CCDC141: variants seen among roughly 807,000 people sequenced by gnomAD.
The protein encoded by CCDC141 is coiled-coil domain containing 141.
In CCDC141, 168 loss-of-function variants were observed where a neutral mutation model predicts 181.0. The ratio of observed to expected loss-of-function variants is 0.93; its 90% confidence interval spans 0.82 to 1.05. The LOEUF (loss-of-function observed/expected upper bound fraction) is 1.05. CCDC141 is among the 50% of genes least tolerant of loss of function. CCDC141 has a pLI of 0.00. For synonymous variants in CCDC141, 666 were observed against 642.3 expected (o/e 1.04, Z -0.56); for missense variants, 1,902 against 1,788.5 (o/e 1.06, Z -1.14).
intron 17 of CCDC141, among the ~76,000 whole-genome samples, chr2:178,858,112 T>C (rs1258353136): frequency 6.6e-6 from 1 of 152,182 alleles, no homozygotes; most frequent in South Asian, 2.1e-4. Context: ...AGTTACAAAC[T>C]AAACCAAGCA....
At chr2:178,842,080 A>G (rs535357639) in intron 22 of CCDC141, among the ~76,000 whole-genome samples, 2 of 152,318 alleles carry the variant, frequency 1.3e-5, no homozygotes, top group African/African-American at 4.8e-5. Context: ...CCAAAAAAAA[A>G]ATGTGTGTGT....
chr2:178,934,785 G>A (rs1183303516), intron 6 of CCDC141, among the ~76,000 whole-genome samples: 1 of 152,184 alleles, frequency 6.6e-6, no homozygotes, highest in African/African-American at 2.4e-5. Flanking sequence ...GTGGGTAGCA[G>A]AGAACACCTG....
At chr2:178,904,790 C>A (rs1408836130) in intron 8 of CCDC141, among the ~76,000 whole-genome samples, 1 of 152,076 alleles carries the variant, frequency 6.6e-6, no homozygotes, top group South Asian at 2.1e-4. Flanking sequence ...CAAATGTGCT[C>A]ATAAAACAGG....
chr2:178,931,543 C>A (rs549629538), intron 6 of CCDC141, among the ~76,000 whole-genome samples: 27 of 152,094 alleles, frequency 1.8e-4, no homozygotes, highest in African/African-American at 6.5e-4. Flanking sequence ...GAAAAACATG[C>A]AAAGTGAAAG....
At chr2:178,951,407 CA>C (rs753309701) in intron 5 of CCDC141, among the ~76,000 whole-genome samples, 10 of 152,136 alleles carry the variant, frequency 6.6e-5, no homozygotes, top group Non-Finnish European at 1.2e-4. Context: ...GATTTCCTAC[CA>C]AAGTTTTGGC....
intron 22 of CCDC141, among the ~76,000 whole-genome samples, chr2:178,839,477 T>C (rs1684628075): frequency 7.0e-6 from 1 of 143,512 alleles, no homozygotes; most frequent in Non-Finnish European, 1.5e-5. Context: ...TTTGGGAAGC[T>C]GAAGCAGGAG....
At chr2:178,827,913 G>A (rs1684149090), downstream of CCDC141, among the ~76,000 whole-genome samples, 1 of 152,092 alleles carries the variant, frequency 6.6e-6, no homozygotes, top group Admixed American at 6.5e-5. Flanking sequence ...TCTGTCCAAG[G>A]GCTTTAGGGA....
rs141954296 is a variant in CCDC141, at chr2:179,048,973, G to C, written c.102+867C>G. ...ATTCAATTAAACCTGGTGGGGACCT[G>C]AAAGTAACTGGTTTGTGACCATCAG... On this transcript the variant is annotated intron_variant, in intron 1 of 23. Transcript: ENST00000443758. Among the ~76,000 whole-genome samples, 250 of 152,298 alleles carry C rather than the reference G, an allele frequency of 1.6e-3. 1 individual carries two copies. The highest frequency in any genetic ancestry group is 5.7e-3 in the African/African-American group (237 of 41,570).
chr2:178,870,364 A>C (rs1183476495), intron 14 of CCDC141, among the ~76,000 whole-genome samples: 1 of 152,032 alleles, frequency 6.6e-6, no homozygotes, highest in Non-Finnish European at 1.5e-5. Context: ...TTTTCAGAAG[A>C]GTGACCTAAA....
Position 178,975,184 on chromosome 2 carries a change from G to A in CCDC141, c.418-19C>T, listed in dbSNP as rs1167517047. 2.4e-6 allele frequency: 3 copies of A among 1,227,822 alleles called. No individual in the cohort carries two copies. The East Asian group carries it at 7.9e-5, about 32-fold the overall frequency. The allele number at this position is 1,227,822 out of a possible 1,614,324, so 76.1% of individuals were successfully genotyped here. ...TAGCAAACTACAATAGAAATACAGA[G>A]GAAAGACATTTGACATTTGTATAAA... On this transcript the variant is annotated intron_variant, in intron 3 of 23. Transcript: ENST00000443758.
chr2:178,850,297 A>G (rs1372818372), intron 20 of CCDC141, 136 bp from the exon 21 acceptor site: 1 of 592,064 alleles, frequency 1.7e-6, no homozygotes, highest in African/African-American at 1.9e-5. Context: ...TGCTGAAGAG[A>G]TAAATAAATG....
chr2:179,022,606 A>G (rs2042720712), intron 2 of CCDC141, among the ~76,000 whole-genome samples: 1 of 152,150 alleles, frequency 6.6e-6, no homozygotes, highest in South Asian at 2.1e-4. Flanking sequence ...GAATATGTCT[A>G]TGGTACTTTC....
the CCDC141 span, among the ~76,000 whole-genome samples, chr2:178,820,102 T>G: frequency 6.6e-6 from 1 of 152,226 alleles, no homozygotes; most frequent in Non-Finnish European, 1.5e-5. Flanking sequence ...GCAGTTTATG[T>G]TCCATAACAC....
chr2:178,998,070 A>T (rs1463336762), intron 2 of CCDC141, among the ~76,000 whole-genome samples: 1 of 152,016 alleles, frequency 6.6e-6, no homozygotes, highest in Non-Finnish European at 1.5e-5. Context: ...TGCATGTCTT[A>T]TTTATAAATT....
chr2:179,043,006 T>C (rs1037181300), intron 2 of CCDC141, among the ~76,000 whole-genome samples: 6 of 152,008 alleles, frequency 3.9e-5, no homozygotes, highest in African/African-American at 1.2e-4. Flanking sequence ...GAGAGAAGCA[T>C]CAAATAAACA....
chr2:178,919,004 A>G lies in CCDC141; in HGVS notation c.898-97T>C, dbSNP rs1163705971. ...TTCCTCTGCTGAAATCTAACCCCCA[A>G]GGTGATGATATTAGGAAGTAGGGCT... is the stretch of plus-strand genomic sequence containing the variant. On this transcript the variant is annotated intron_variant, in intron 6 of 23. Coordinates refer to ENST00000443758, the MANE Select transcript of CCDC141 (RefSeq NM_173648.4). 4.6e-6 allele frequency: 5 copies of G among 1,096,096 alleles called. No individual in the cohort carries two copies. The African/African-American group carries it at 7.9e-5, about 17-fold the overall frequency. 67.9% of individuals were successfully genotyped at this position (1,096,096 alleles called of 1,614,324 possible). A position where few individuals can be genotyped will look rare whatever the true frequency, so the allele number is the denominator to read the frequency against.
At chr2:178,824,598 G>A in the CCDC141 span, among the ~76,000 whole-genome samples, 2 of 122,672 alleles carry the variant, frequency 1.6e-5, no homozygotes, top group African/African-American at 3.2e-5. Context: ...CAGCCTGGGC[G>A]ACAAGAGTGA....
At chr2:178,874,924 A>C (rs1686292287) in intron 12 of CCDC141, 1 of 152,224 alleles carries the variant, frequency 6.6e-6, no homozygotes, top group Non-Finnish European at 1.5e-5. Flanking sequence ...TCTGAAAAGC[A>C]GAGTGGAGTT....
At chr2:178,824,838 A>T (rs1251412645), downstream of CCDC141, among the ~76,000 whole-genome samples, 1 of 152,060 alleles carries the variant, frequency 6.6e-6, no homozygotes, top group Non-Finnish European at 1.5e-5. Context: ...GGTACTTTGT[A>T]TATCCATTTA....
Sources: allele counts gnomAD v4.1 joint callset (sites outside exome capture counted in the v4.1 genomes callset), GRCh38; gene constraint gnomAD v4.1.1; transcripts MANE v1.5; gene names NCBI Gene and HGNC (gene_info 2026-07-23, HGNC 2026-07-21).